The following RIPOR2 variants were observed in gnomAD, a reference collection of about 807,000 sequenced individuals.
The protein encoded by RIPOR2 is rho family-interacting cell polarization regulator 2.
In RIPOR2, 39 loss-of-function variants were observed where a neutral mutation model predicts 114.5. That is an observed-to-expected ratio of 0.34 (90% CI 0.26 to 0.44). The LOEUF (loss-of-function observed/expected upper bound fraction) is 0.44, where lower values mean the gene tolerates loss of function less well. Ranked by LOEUF, RIPOR2 falls within the 20% of genes least tolerant of loss-of-function variation. RIPOR2 has a pLI of 1.00. For synonymous variants in RIPOR2, 445 were observed against 484.4 expected, an observed-to-expected ratio of 0.92 and a Z score of 1.07; for missense variants, 1,007 against 1,255.1, an observed-to-expected ratio of 0.80 and a Z score of 2.99.
chr6:24,967,011 C>T (rs372270153), intron 1 of RIPOR2, among the ~76,000 whole-genome samples: 10 of 152,148 alleles, frequency 6.6e-5, no homozygotes, highest in Admixed American at 3.3e-4. Context: ...GGAGGCAGTG[C>T]GGACACGGAC....
intron 7 of RIPOR2, 84 bp downstream of exon 7, chr6:24,865,217 T>C (rs1188446694): frequency 8.5e-7 from 1 of 1,179,906 alleles, no homozygotes; most frequent in Non-Finnish European, 1.2e-6. Context: ...TGTGGGTTGC[T>C]GTTTGCCTTG....
At chr6:24,957,881 A>G (rs1773111749) in intron 1 of RIPOR2, among the ~76,000 whole-genome samples, 1 of 152,218 alleles carries the variant, frequency 6.6e-6, no homozygotes, top group Non-Finnish European at 1.5e-5. Flanking sequence ...GTCTCAAAAA[A>G]CAAAAAAGCA....
intron 1 of RIPOR2, among the ~76,000 whole-genome samples, chr6:24,949,556 C>T (rs568847568): frequency 6.6e-6 from 1 of 152,324 alleles, no homozygotes; most frequent in East Asian, 1.9e-4. Flanking sequence ...TCTGGGGACT[C>T]TAAGCAACCT....
intron 1 of RIPOR2, among the ~76,000 whole-genome samples, chr6:24,876,085 G>A (rs568342494): frequency 6.6e-6 from 1 of 152,244 alleles, no homozygotes; most frequent in South Asian, 2.1e-4. Context: ...GAAGTCAGGA[G>A]TTCAAGACCA....
chr6:24,878,886 G>C (rs953260428), intron 1 of RIPOR2, among the ~76,000 whole-genome samples: 4 of 141,534 alleles, frequency 2.8e-5, no homozygotes, highest in Non-Finnish European at 4.6e-5. Flanking sequence ...TGAATTAAAC[G>C]CTGGAGAGTA....
At chr6:24,921,197 CT>C (rs1332937359) in intron 1 of RIPOR2, among the ~76,000 whole-genome samples, 1 of 152,090 alleles carries the variant, frequency 6.6e-6, no homozygotes, top group Non-Finnish European at 1.5e-5. Flanking sequence ...GAGTCTTGCT[CT>C]GTCACCCAGG....
chr6:24,827,245 A>G (rs1434562244), intron 18 of RIPOR2, among the ~76,000 whole-genome samples: 1 of 152,154 alleles, frequency 6.6e-6, no homozygotes, highest in Non-Finnish European at 1.5e-5. Flanking sequence ...GTAAGGGGTT[A>G]TGCACAGACT....
chr6:24,974,536 GA>G (rs1773946529), intron 1 of RIPOR2, among the ~76,000 whole-genome samples: 1 of 152,234 alleles, frequency 6.6e-6, no homozygotes. Context: ...AAGATGTGGA[GA>G]AACTGGAGCC....
At chr6:24,992,858 A>G (rs1774884744) in intron 1 of RIPOR2, among the ~76,000 whole-genome samples, 1 of 152,242 alleles carries the variant, frequency 6.6e-6, no homozygotes, top group Non-Finnish European at 1.5e-5. Context: ...GTACTGGTAC[A>G]AATCTGGATT....
intron 1 of RIPOR2, among the ~76,000 whole-genome samples, chr6:24,993,405 T>A (rs1427191136): frequency 2.0e-5 from 3 of 152,276 alleles, no homozygotes; most frequent in Admixed American, 2.0e-4. Context: ...TTGCAATCCA[T>A]GCTTCTTTTT....
intron 14 of RIPOR2, among the ~76,000 whole-genome samples, chr6:24,838,665 G>T (rs1360922890): frequency 6.6e-6 from 1 of 152,096 alleles, no homozygotes; most frequent in Non-Finnish European, 1.5e-5. Flanking sequence ...GTGGTGGCGG[G>T]TGCCTGTAGT....
intron 5 of RIPOR2, 85 bp from the exon 6 acceptor site, chr6:24,869,232 C>T (rs1009091434): frequency 4.4e-5 from 28 of 639,946 alleles, no homozygotes; most frequent in Non-Finnish European, 7.2e-5. Context: ...TTATATCATA[C>T]TCAAAAGTAT....
intron 1 of RIPOR2, among the ~76,000 whole-genome samples, chr6:24,891,747 T>C (rs1581724692): frequency 7.1e-6 from 1 of 141,462 alleles, no homozygotes; most frequent in African/African-American, 3.1e-5. Context: ...ACGTAACTCC[T>C]GTAATCACAC....
Position 24,850,595 on chromosome 6 carries a change from A to G in RIPOR2, c.885+2T>C, listed in dbSNP as rs768539557. 1 of 1,613,912 alleles carries G rather than the reference A, an allele frequency of 6.2e-7. No individual in the cohort carries two copies. ...AGACAACAGGCAATGACAATACTGT[A>G]CCTTGATGGAGATGAACCCAACTAT... is the stretch of plus-strand genomic sequence containing the variant. On this transcript the variant is annotated splice_donor_variant, in intron 10 of 21. Transcript: ENST00000643898. LOFTEE classifies it high-confidence loss of function.
chr6:24,980,538 G>T (rs960235687), intron 1 of RIPOR2, among the ~76,000 whole-genome samples: 2 of 152,142 alleles, frequency 1.3e-5, no homozygotes, highest in African/African-American at 4.8e-5. Context: ...CCTTGCTCTT[G>T]TCAGAGCCGT....
intron 1 of RIPOR2, among the ~76,000 whole-genome samples, chr6:24,895,329 G>C (rs1338588305): frequency 6.6e-6 from 1 of 152,056 alleles, no homozygotes; most frequent in Non-Finnish European, 1.5e-5. Flanking sequence ...GATTATTGGC[G>C]TGAGCCACCG....
At chr6:24,924,326 G>T (rs1208411197) in intron 1 of RIPOR2, among the ~76,000 whole-genome samples, 1 of 152,152 alleles carries the variant, frequency 6.6e-6, no homozygotes, top group African/African-American at 2.4e-5. Context: ...ATGCATTATG[G>T]TTAGGTCTAA....
In RIPOR2 at chr6:24,843,488, T is replaced by C. The variant is rs1431098023; in HGVS notation, c.1231A>G (p.Ser411Gly). ...AAEEKMPLSL[S>G]FSDLPNGDCA... ...TCCCCGTTGGGCAGGTCACTGAAGC[T>C]GAGCGACAGTGGCATTTTCTCCTCG... The change falls in exon 13 of 22, where the codon AGC (serine) becomes GGC (glycine). Residue 411 changes from serine (S) to glycine (G), a missense_variant. Coordinates refer to ENST00000643898, the MANE Select transcript of RIPOR2 (RefSeq NM_001286445.3). 1 of 1,568,676 alleles carries C rather than the reference T, an allele frequency of 6.4e-7. No individual in the cohort carries two copies. Among genetic ancestry groups the C allele is most frequent in the Admixed American group, 1.9e-5 (1 of 53,908 alleles).
intron 16 of RIPOR2, among the ~76,000 whole-genome samples, chr6:24,831,903 T>C (rs922903363): frequency 5.3e-5 from 8 of 151,994 alleles, no homozygotes; most frequent in African/African-American, 1.5e-4. Flanking sequence ...ACTACAGGAG[T>C]TGTCTTAGCC....
Sources: allele counts gnomAD v4.1 joint callset (sites outside exome capture counted in the v4.1 genomes callset), GRCh38; gene constraint gnomAD v4.1.1; transcripts MANE v1.5; gene names NCBI Gene and HGNC (gene_info 2026-07-23, HGNC 2026-07-21).